CCDC158: variants seen among roughly 807,000 people sequenced by gnomAD.
CCDC158 encodes the protein coiled-coil domain containing 158, also known as coiled-coil domain-containing protein 158.
CCDC158 carries 116 observed loss-of-function variants against 138.6 expected under a neutral mutation model. That is an observed-to-expected ratio of 0.84 (90% CI 0.72 to 0.98). The LOEUF is 0.98. Among genes scored for constraint, CCDC158 ranks in the 50% least tolerant of loss-of-function variants. The pLI is 0.00. For missense variants in CCDC158, 1,265 were observed against 1,306.1 expected (o/e 0.97, Z 0.48); for synonymous variants, 436 against 442.4 (o/e 0.99, Z 0.18).
At chr4:76,375,370 T>G in intron 9 of CCDC158, 1 of 444,664 alleles carries the variant, frequency 2.2e-6, no homozygotes, top group Non-Finnish European at 4.0e-6. Flanking sequence ...TTGGTGGTGG[T>G]GTTTTCTGTT....
At position 76,396,372 on chromosome 4, in the gene CCDC158, T is replaced by C. The variant is rs943243229; in HGVS notation, c.185A>G (p.Asp62Gly). The C allele has an allele frequency of 1.2e-5, 19 of 1,613,908 alleles. No homozygotes were observed. The Middle Eastern group carries it at 4.9e-4, about 42-fold the overall frequency. The change falls in exon 4 of 25, where the codon GAT becomes GGT. Residue 62 changes from aspartate to glycine, a missense_variant. By Grantham distance (94) the Asp-to-Gly change is moderately conservative. Transcript: ENST00000682701. ...PFFPKYEVELDSPRKIIPSPG... is the reference protein window; with the variant it reads ...PFFPKYEVELGSPRKIIPSPG... ...AGATGGGATGATTTTTCTAGGAGAA[T>C]CAAGTTCCACTTCATATTTAGGGAA...
At chr4:76,375,983 A>C (rs1725680187) in intron 9 of CCDC158, among the ~76,000 whole-genome samples, 1 of 152,216 alleles carries the variant, frequency 6.6e-6, no homozygotes, top group Non-Finnish European at 1.5e-5. Context: ...GAAAATACTA[A>C]TACTGCCCCT....
chr4:76,379,405 C>G lies in CCDC158; in HGVS notation c.915-1G>C. On this transcript the variant is annotated splice_acceptor_variant, in intron 8 of 24. Transcript: ENST00000682701. LOFTEE classifies it high-confidence loss of function. ...AGAGTTTTGGTTTCTTGCTTGCTCTCTAAGAAGAGTTTAGAAGGGGAATAA... is the reference window on the plus strand; with the variant it reads ...AGAGTTTTGGTTTCTTGCTTGCTCTGTAAGAAGAGTTTAGAAGGGGAATAA... 6.3e-7 allele frequency: 1 copy of G among 1,580,574 alleles called. No individual in the cohort carries two copies. The highest frequency in any genetic ancestry group is 8.6e-7 in the Non-Finnish European group (1 of 1,162,988).
intron 9 of CCDC158, among the ~76,000 whole-genome samples, chr4:76,373,636 T>C (rs1032804778): frequency 1.3e-5 from 2 of 151,988 alleles, no homozygotes; most frequent in Non-Finnish European, 2.9e-5. Flanking sequence ...CATCTCTCTT[T>C]AATAATAATC....
intron 2 of CCDC158, among the ~76,000 whole-genome samples, chr4:76,409,767 C>T (rs2109899749): frequency 6.6e-6 from 1 of 151,958 alleles, no homozygotes; most frequent in East Asian, 1.9e-4. Flanking sequence ...GGAGGTGGAG[C>T]TTGCAGTGAG....
rs375652235 is a variant in CCDC158, at chr4:76,353,290, A to C, written c.2287-9T>G. ...TTCAGAAAATGTTTCTCCTACAATTATATGAGAGAAAAACATCAGAAATAA... is the reference window on the plus strand; with the variant it reads ...TTCAGAAAATGTTTCTCCTACAATTCTATGAGAGAAAAACATCAGAAATAA... On this transcript the variant is annotated splice_polypyrimidine_tract_variant and intron_variant, in intron 15 of 24. Transcript: ENST00000682701. 1.3e-6 allele frequency: 2 copies of C among 1,587,352 alleles called. No individual in the cohort carries two copies. Among genetic ancestry groups the C allele is most frequent in the Non-Finnish European group, 1.7e-6 (2 of 1,164,624 alleles).
At chr4:76,374,115 C>T (rs1725501779) in intron 9 of CCDC158, among the ~76,000 whole-genome samples, 1 of 152,062 alleles carries the variant, frequency 6.6e-6, no homozygotes, top group Admixed American at 6.5e-5. Flanking sequence ...ATGTTCGTGC[C>T]ACTGCACTCC....
chr4:76,349,544 C>A (rs966396943), intron 18 of CCDC158, among the ~76,000 whole-genome samples: 1 of 152,124 alleles, frequency 6.6e-6, no homozygotes, highest in Non-Finnish European at 1.5e-5. Context: ...TGGCACGCAC[C>A]TTTAGTCCCA....
intron 3 of CCDC158, 124 bp downstream of exon 3, chr4:76,403,014 G>A (rs1313856560): frequency 1.5e-6 from 1 of 657,452 alleles, no homozygotes. Flanking sequence ...CAATATGGTA[G>A]ACATTCATGA....
intron 12 of CCDC158, among the ~76,000 whole-genome samples, chr4:76,364,757 T>C (rs1293602665): frequency 1.3e-5 from 2 of 152,362 alleles, no homozygotes; most frequent in East Asian, 3.9e-4. Flanking sequence ...CCTACTGGCC[T>C]TAGTATCCTG....
Position 76,367,751 on chromosome 4 carries a change from T to G in CCDC158, c.1373A>C (p.Glu458Ala), listed in dbSNP as rs76726092. 1.3e-5 allele frequency: 21 copies of G among 1,602,276 alleles called. No homozygotes were observed. In the East Asian group the frequency reaches 4.5e-4, roughly 34 times the overall value. ...CAAGGAGGATACTTTTTCTAGACTT[T>G]CATTCTTTCCTTGAATTGCTGCCAT... is the stretch of plus-strand genomic sequence containing the variant. ...RQMAAIQGKN[E>A]SLEKVSSLTA... Residue 458 changes from glutamate to alanine, a missense_variant, in exon 12 of 25, where the codon GAA becomes GCA. Glu to Ala is a moderately radical substitution (Grantham distance 107, BLOSUM62 -1). Transcript: ENST00000682701.
At chr4:76,333,698 C>T (rs1403107793) in intron 19 of CCDC158, among the ~76,000 whole-genome samples, 1 of 152,114 alleles carries the variant, frequency 6.6e-6, no homozygotes, top group African/African-American at 2.4e-5. Flanking sequence ...TAAATAAACC[C>T]TGCTCTGCCT....
chr4:76,324,059 C>T (rs150330735), intron 23 of CCDC158, among the ~76,000 whole-genome samples: 30 of 152,248 alleles, frequency 2.0e-4, no homozygotes, highest in African/African-American at 7.0e-4. Flanking sequence ...TAATCCCTGC[C>T]TAGCTGTATA....
chr4:76,353,179 A>G lies in CCDC158; in HGVS notation c.2389T>C (p.Ser797Pro), dbSNP rs761920349. ...TTTTCTTTCAAACGGCGTTCCTGAG[A>G]TCGCAGAACTTCCAACTCCCCAGCC... is the stretch of plus-strand genomic sequence containing the variant. ...KMAGELEVLRSQERRLKEKVT... is the reference protein window; with the variant it reads ...KMAGELEVLRPQERRLKEKVT... The change falls in exon 16 of 25, where the codon TCT becomes CCT. Residue 797 changes from serine to proline, a missense_variant. Physicochemically the swap from Ser to Pro is moderately conservative, Grantham distance 74. Transcript: ENST00000682701. 3 of 1,614,010 alleles carry G rather than the reference A, an allele frequency of 1.9e-6. No homozygotes were observed. The highest frequency in any genetic ancestry group is 1.7e-5 in the Admixed American group (1 of 60,004).
At chr4:76,402,954 A>T (rs1209960130) in intron 3 of CCDC158, among the ~76,000 whole-genome samples, 184 bp downstream of exon 3, 3 of 152,340 alleles carry the variant, frequency 2.0e-5, no homozygotes, top group Middle Eastern at 3.4e-3. Flanking sequence ...TAAAACAAAA[A>T]ATTCCTTAAA....
chr4:76,325,314 T>G (rs542107869), intron 23 of CCDC158, among the ~76,000 whole-genome samples: 1 of 152,328 alleles, frequency 6.6e-6, no homozygotes, highest in Non-Finnish European at 1.5e-5. Flanking sequence ...TTGGTCACTG[T>G]CATACATGAT....
chr4:76,345,409 A>G, intron 18 of CCDC158: 1 of 937,472 alleles, frequency 1.1e-6, no homozygotes, highest in Non-Finnish European at 1.8e-6. Context: ...CACCAGCAGG[A>G]GTGCTGCCTG....
chr4:76,357,417 C>T lies in CCDC158; in HGVS notation c.2130G>A (p.Gln710=). The T allele has an allele frequency of 6.3e-7, 1 of 1,594,808 alleles. No individual in the cohort carries two copies. The highest frequency in any genetic ancestry group is 8.5e-7 in the Non-Finnish European group (1 of 1,172,442). ...CCATTGACTTTAATGTATTTCTTGTCTGTTCTAGTTCAGACTGTGCAGATT... is the reference window on the plus strand; with the variant it reads ...CCATTGACTTTAATGTATTTCTTGTTTGTTCTAGTTCAGACTGTGCAGATT... ...QLKSAQSELE[Q]TRNTLKSMEG... Residue 710 remains glutamine, a synonymous_variant, in exon 14 of 25, where the codon CAG becomes CAA. Coordinates refer to ENST00000682701, the MANE Select transcript of CCDC158 (RefSeq NM_001394954.1).
In CCDC158 at chr4:76,357,365, A is replaced by C. The variant is rs1723673350; in HGVS notation, c.2173+9T>G. The C allele has an allele frequency of 6.7e-7, 1 of 1,482,462 alleles. No individual in the cohort carries two copies. Among genetic ancestry groups the C allele is most frequent in the Non-Finnish European group, 8.9e-7 (1 of 1,117,778 alleles). The allele number at this position is 1,482,462 out of a possible 1,614,324, so 91.8% of individuals were successfully genotyped here. On this transcript the variant is annotated intron_variant, in intron 14 of 24. Transcript: ENST00000682701. ...CAGAAGAAAAAATTTTAAATCTAACAGAGCATACCATGACCATCAGATCCT... is the reference window on the plus strand; with the variant it reads ...CAGAAGAAAAAATTTTAAATCTAACCGAGCATACCATGACCATCAGATCCT...
Sources: allele counts gnomAD v4.1 joint callset (sites outside exome capture counted in the v4.1 genomes callset), GRCh38; gene constraint gnomAD v4.1.1; transcripts MANE v1.5; gene names NCBI Gene and HGNC (gene_info 2026-07-23, HGNC 2026-07-21).